CNTNAP2: variants seen among roughly 807,000 people sequenced by gnomAD.
CNTNAP2 encodes contactin-associated protein-like 2.
Under a neutral mutation model 155.2 loss-of-function variants are expected in CNTNAP2, and 98 were observed. The observed-to-expected ratio is 0.63, with a 90% CI of 0.54 to 0.75. The LOEUF (loss-of-function observed/expected upper bound fraction) is 0.75, where lower values mean the gene tolerates loss of function less well. Ranked by LOEUF, CNTNAP2 falls within the 30% of genes least tolerant of loss-of-function variation. CNTNAP2 has a pLI of 0.00. For synonymous variants in CNTNAP2, 651 were observed against 631.2 expected, an observed-to-expected ratio of 1.03 and a Z score of -0.47; for missense variants, 1,727 against 1,688.1, an observed-to-expected ratio of 1.02 and a Z score of -0.40.
rs1798489086 is a variant in CNTNAP2, at chr7:148,355,146, C to A, written c.3476-28503C>A. The stretch of plus-strand genomic sequence containing the variant: ...GAATCCAAATAAAGGAAATCCACTT[C>A]ATGCATCAGCCGCCAGCTGCTTTTT... On this transcript the variant is annotated intron_variant, in intron 21 of 23. Coordinates refer to ENST00000361727, the MANE Select transcript of CNTNAP2 (RefSeq NM_014141.6). 2.3e-5 allele frequency among the ~76,000 whole-genome samples: 3 copies of A among 131,944 alleles called. No homozygotes were observed. In the South Asian group the frequency reaches 8.1e-4, roughly 35 times the overall value. 86.6% of individuals were successfully genotyped at this position (131,944 alleles called of 152,430 possible).
chr7:147,329,795 C>T (rs1795524299), intron 9 of CNTNAP2, among the ~76,000 whole-genome samples: 1 of 152,068 alleles, frequency 6.6e-6, no homozygotes, highest in South Asian at 2.1e-4. Context: ...TTTACATCTT[C>T]CTCTACTCTT....
intron 1 of CNTNAP2, among the ~76,000 whole-genome samples, chr7:146,511,488 T>C (rs1797465435): frequency 6.6e-6 from 1 of 152,210 alleles, no homozygotes; most frequent in South Asian, 2.1e-4. Context: ...TGAGAGCTTT[T>C]ATCCTGAAAG....
At chr7:148,181,741 C>T (rs965492546) in intron 18 of CNTNAP2, among the ~76,000 whole-genome samples, 105 of 48,700 alleles carry the variant, frequency 2.2e-3, no homozygotes, top group Non-Finnish European at 3.0e-3. Context: ...AGTGTGTGCC[C>T]TTTTTTTTTT....
intron 3 of CNTNAP2, among the ~76,000 whole-genome samples, chr7:146,885,928 G>GGTGTGTGTGT (rs36231370): frequency 7.0e-6 from 1 of 141,852 alleles, no homozygotes; most frequent in Non-Finnish European, 1.5e-5. Flanking sequence ...TATGTAAGTC[G>GGTGTGTGTGT]GTGTGTGTGT....
intron 1 of CNTNAP2, among the ~76,000 whole-genome samples, chr7:146,564,700 C>A (rs1181740987): frequency 6.6e-6 from 1 of 151,092 alleles, no homozygotes; most frequent in Non-Finnish European, 1.5e-5. Flanking sequence ...TTTGGCTGTC[C>A]ACAACATAAG....
intron 11 of CNTNAP2, among the ~76,000 whole-genome samples, chr7:147,501,593 G>T (rs1432331412): frequency 6.6e-6 from 1 of 152,094 alleles, no homozygotes; most frequent in Non-Finnish European, 1.5e-5. Flanking sequence ...GCAATATGTG[G>T]TTCATGAGAT....
At chr7:147,766,217 G>A (rs1057230697) in intron 13 of CNTNAP2, among the ~76,000 whole-genome samples, 4 of 152,088 alleles carry the variant, frequency 2.6e-5, no homozygotes, top group East Asian at 3.9e-4. Flanking sequence ...CTTATGGTAT[G>A]TAAATTACAC....
At chr7:147,431,571 G>A (rs1191414686) in intron 10 of CNTNAP2, among the ~76,000 whole-genome samples, 1 of 152,100 alleles carries the variant, frequency 6.6e-6, no homozygotes, top group African/African-American at 2.4e-5. Context: ...ATCCTGGACC[G>A]CTCCAATCTG....
At chr7:148,310,410 T>C (rs1797573652) in intron 21 of CNTNAP2, among the ~76,000 whole-genome samples, 1 of 152,192 alleles carries the variant, frequency 6.6e-6, no homozygotes, top group African/African-American at 2.4e-5. Context: ...GGAGGACTGA[T>C]AAAGTTTGTG....
At chr7:148,412,300 C>T (rs975040029) in intron 23 of CNTNAP2, among the ~76,000 whole-genome samples, 5 of 152,230 alleles carry the variant, frequency 3.3e-5, no homozygotes, top group South Asian at 2.1e-4. Flanking sequence ...CCTGGCCAGG[C>T]GCGGTGGCGC....
rs141608279 is a variant in CNTNAP2 at position 146,532,539 on chromosome 7, C to T, written c.98-241732C>T. Among the ~76,000 whole-genome samples, 7 of 152,208 alleles carry T rather than the reference C, an allele frequency of 4.6e-5. No homozygotes were observed. The East Asian group carries it at 1.2e-3, about 25-fold the overall frequency. On this transcript the variant is annotated intron_variant, in intron 1 of 23. Transcript: ENST00000361727. ...ATGACTCTCAGAATATGACATCTAGCCTCACAACCTTATGTCACAACATGG... is the reference window on the plus strand; with the variant it reads ...ATGACTCTCAGAATATGACATCTAGTCTCACAACCTTATGTCACAACATGG...
chr7:146,709,779 G>T (rs551027375), intron 1 of CNTNAP2, among the ~76,000 whole-genome samples: 5 of 152,096 alleles, frequency 3.3e-5, no homozygotes, highest in Admixed American at 2.0e-4. Context: ...TATGAACTCT[G>T]GGTGTGGGGT....
At chr7:146,461,416 A>T (rs1283904887) in intron 1 of CNTNAP2, among the ~76,000 whole-genome samples, 2 of 142,714 alleles carry the variant, frequency 1.4e-5, no homozygotes, top group Admixed American at 6.9e-5. Flanking sequence ...AAAAAAAAAA[A>T]TATAATAATA....
In CNTNAP2 at chr7:147,562,080, T is replaced by C; in HGVS notation, c.1778-58T>C. The C allele has an allele frequency of 1.9e-6, 3 of 1,611,684 alleles. No homozygotes were observed. The South Asian group carries it at 3.3e-5, about 18-fold the overall frequency. On this transcript the variant is annotated intron_variant, in intron 11 of 23. Transcript: ENST00000361727. Reference sequence around the variant, plus strand: ...CATTGCAATATGCCACTGGGACATTTATCTGGGGAGCCATTTGTTCTGTGC... The same window carrying C: ...CATTGCAATATGCCACTGGGACATTCATCTGGGGAGCCATTTGTTCTGTGC...
Position 146,744,925 on chromosome 7 carries a change from T to G in CNTNAP2, c.98-29346T>G, listed in dbSNP as rs190479080. 2.2e-3 allele frequency among the ~76,000 whole-genome samples: 328 copies of G among 152,318 alleles called. 2 individuals are homozygous for G. Among genetic ancestry groups the G allele is most frequent in the African/African-American group, 7.7e-3 (320 of 41,578 alleles). ...AAATATATCCTCTAAGTAGAATATT[T>G]GCATTATGTAAGCTAAAAAGATTGG... On this transcript the variant is annotated intron_variant, in intron 1 of 23. Transcript: ENST00000361727.
intron 1 of CNTNAP2, among the ~76,000 whole-genome samples, chr7:146,683,068 C>G (rs1800533191): frequency 6.6e-6 from 1 of 151,642 alleles, no homozygotes; most frequent in Non-Finnish European, 1.5e-5. Flanking sequence ...GAGTCTCTCT[C>G]TGACACTGAG....
At chr7:147,121,923 A>G (rs1292665841) in intron 6 of CNTNAP2, 1 of 152,228 alleles carries the variant, frequency 6.6e-6, no homozygotes, top group Non-Finnish European at 1.5e-5. Context: ...CATGCCTGTA[A>G]TCTCAGCACT....
intron 10 of CNTNAP2, among the ~76,000 whole-genome samples, chr7:147,444,178 C>A (rs546299389): frequency 2.0e-5 from 3 of 152,232 alleles, no homozygotes; most frequent in Admixed American, 2.0e-4. Context: ...GGCAAAATTG[C>A]TAGATTAGGA....
rs1799991499 is a variant in CNTNAP2 at position 148,416,447 on chromosome 7, G to GAAAC, written c.*833_*836dup. ...CAAAAGATTTTTTCCTGTTTTATCT[G>GAAAC]AAACATACTGGATTTATATATGTAT... is the stretch of plus-strand genomic sequence containing the variant. On this transcript the variant is annotated 3_prime_UTR_variant, in exon 24 of 24. Transcript: ENST00000361727. The GAAAC allele has an allele frequency of 3.3e-5, 5 of 151,966 alleles. No homozygotes were observed. In the South Asian group the frequency reaches 1.0e-3, roughly 32 times the overall value. The allele number at this position is 151,966 out of a possible 1,614,324, so 9.4% of individuals were successfully genotyped here.
Sources: gnomAD v4.1 joint callset for allele counts (sites outside exome capture counted in the v4.1 genomes callset) on GRCh38, gnomAD v4.1.1 for gene constraint, MANE v1.5 for transcripts, NCBI Gene and HGNC (gene_info 2026-07-23, HGNC 2026-07-21) for gene names.